The following CTNNBL1 variants were observed in gnomAD, a reference collection of about 807,000 sequenced individuals.
The protein encoded by CTNNBL1 is catenin beta like 1, also known as beta-catenin-like protein 1.
Under a neutral mutation model 72.7 loss-of-function variants are expected in CTNNBL1, and 31 were observed. That is an observed-to-expected ratio of 0.43 (90% CI 0.32 to 0.58). The LOEUF (loss-of-function observed/expected upper bound fraction) is 0.58. Among genes scored for constraint, CTNNBL1 ranks in the 20% least tolerant of loss-of-function variants. CTNNBL1 has a pLI of 0.08. For missense variants in CTNNBL1, 534 were observed against 725.1 expected, an observed-to-expected ratio of 0.74 and a Z score of 3.03; for synonymous variants, 240 against 267.3, an observed-to-expected ratio of 0.90 and a Z score of 1.00.
At chr20:37,758,948 G>A (rs190969822) in intron 5 of CTNNBL1, among the ~76,000 whole-genome samples, 13 of 151,968 alleles carry the variant, frequency 8.6e-5, no homozygotes, top group African/African-American at 3.1e-4. Flanking sequence ...TTCTCATAAT[G>A]TTCTCGACAC....
chr20:37,860,708 C>T (rs910090533), intron 15 of CTNNBL1, among the ~76,000 whole-genome samples: 1 of 152,200 alleles, frequency 6.6e-6, no homozygotes, highest in Non-Finnish European at 1.5e-5. Flanking sequence ...GAAATACAAA[C>T]GTCCTTTCTT....
chr20:37,859,483 C>T (rs1419627361), intron 13 of CTNNBL1, among the ~76,000 whole-genome samples: 3 of 151,974 alleles, frequency 2.0e-5, no homozygotes, highest in Non-Finnish European at 2.9e-5. Flanking sequence ...ATCATAAAGT[C>T]GATCCATGGT....
At chr20:37,863,147 G>A (rs147282105) in intron 15 of CTNNBL1, among the ~76,000 whole-genome samples, 133 of 152,266 alleles carry the variant, frequency 8.7e-4, no homozygotes, top group African/African-American at 2.9e-3. Flanking sequence ...GACTCTCCTC[G>A]GGACTAGCTG....
intron 1 of CTNNBL1, among the ~76,000 whole-genome samples, chr20:37,717,960 A>C (rs1354168011): frequency 6.6e-6 from 1 of 152,166 alleles, no homozygotes; most frequent in African/African-American, 2.4e-5. Context: ...AAGGCAGAAG[A>C]ATTTTTCTTA....
intron 3 of CTNNBL1, among the ~76,000 whole-genome samples, chr20:37,744,045 TA>T (rs1332854698): frequency 4.6e-5 from 7 of 152,186 alleles, no homozygotes; most frequent in South Asian, 2.1e-4. Flanking sequence ...TTTCTCTGAT[TA>T]TTTTTTTTGC....
intron 2 of CTNNBL1, among the ~76,000 whole-genome samples, chr20:37,735,690 T>C (rs1296083751): frequency 6.6e-6 from 1 of 152,138 alleles, no homozygotes; most frequent in East Asian, 1.9e-4. Flanking sequence ...ATCTAATAAA[T>C]GTGTCATGCT....
rs560549887 is a variant in CTNNBL1, at chr20:37,718,295, C to T, written c.31-14584C>T. Among the ~76,000 whole-genome samples, 9 of 130,482 alleles carry T rather than the reference C, an allele frequency of 6.9e-5. No individual in the cohort carries two copies. The East Asian group carries it at 2.1e-3, about 30-fold the overall frequency. The allele number at this position is 130,482 out of a possible 152,430, so 85.6% of individuals were successfully genotyped here. ...CTGGCCGGGCGGGGGGCTGACCCCC[C>T]CACCTCCCTCCCGGACGGGGCGGCT... On this transcript the variant is annotated intron_variant, in intron 1 of 15. Transcript: ENST00000361383.
At chr20:37,812,061 A>G (rs1461146039) in intron 11 of CTNNBL1, among the ~76,000 whole-genome samples, 1 of 152,222 alleles carries the variant, frequency 6.6e-6, no homozygotes, top group Non-Finnish European at 1.5e-5. Flanking sequence ...TTGCTTTTGT[A>G]GGCAGATAGG....
intron 10 of CTNNBL1, among the ~76,000 whole-genome samples, chr20:37,794,805 T>G (rs2073757497): frequency 6.6e-6 from 1 of 152,166 alleles, no homozygotes; most frequent in Admixed American, 6.5e-5. Context: ...CCTGACTGCC[T>G]TCATCTTTGA....
chr20:37,759,932 C>T (rs1399831745), intron 5 of CTNNBL1, among the ~76,000 whole-genome samples: 2 of 152,206 alleles, frequency 1.3e-5, no homozygotes, highest in Non-Finnish European at 2.9e-5. Context: ...CGAGCAGAGG[C>T]TAGAGGGCAT....
At chr20:37,775,847 T>C (rs1422526634) in intron 7 of CTNNBL1, among the ~76,000 whole-genome samples, 1 of 152,244 alleles carries the variant, frequency 6.6e-6, no homozygotes, top group African/African-American at 2.4e-5. Flanking sequence ...AGTGACCTAC[T>C]GTCTTTTGGC....
chr20:37,859,795 T>C, intron 13 of CTNNBL1, 104 bp from the exon 14 acceptor site: 1 of 1,119,846 alleles, frequency 8.9e-7, no homozygotes, highest in Non-Finnish European at 1.3e-6. Flanking sequence ...CTTTTGCTGT[T>C]GTTATAGTTG....
chr20:37,702,299 A>G (rs774634755), intron 1 of CTNNBL1, among the ~76,000 whole-genome samples: 6 of 152,194 alleles, frequency 3.9e-5, no homozygotes, highest in Non-Finnish European at 7.4e-5. Context: ...TTCTTGTGTG[A>G]GTTTATCATT....
At chr20:37,828,189 C>T (rs988074358) in intron 11 of CTNNBL1, among the ~76,000 whole-genome samples, 10 of 152,152 alleles carry the variant, frequency 6.6e-5, no homozygotes, top group South Asian at 2.1e-4. Context: ...ACGACTGAGA[C>T]GCGGGCCTGG....
At chr20:37,852,753 C>T (rs1028678852) in intron 13 of CTNNBL1, among the ~76,000 whole-genome samples, 1 of 152,138 alleles carries the variant, frequency 6.6e-6, no homozygotes, top group African/African-American at 2.4e-5. Flanking sequence ...GGCTTCACGA[C>T]GGTTTTTTGT....
chr20:37,756,545 AC>A (rs1473701104), intron 4 of CTNNBL1, among the ~76,000 whole-genome samples: 1 of 150,098 alleles, frequency 6.7e-6, no homozygotes, highest in Non-Finnish European at 1.5e-5. Context: ...TAGTTCTGCC[AC>A]CCAGTTTCCA....
At chr20:37,795,456 T>C (rs75642402) in intron 10 of CTNNBL1, among the ~76,000 whole-genome samples, 7,146 of 152,346 alleles carry the variant, frequency 0.047, 207 homozygotes, top group Middle Eastern at 0.061. Context: ...ATAAATTGTG[T>C]ATTATAAAAT....
chr20:37,747,355 A>G (rs2073275682), intron 4 of CTNNBL1, among the ~76,000 whole-genome samples: 1 of 148,174 alleles, frequency 6.7e-6, no homozygotes, highest in Admixed American at 6.7e-5. Flanking sequence ...ACTCTGGGCA[A>G]CAGAGTGAGT....
chr20:37,780,985 C>T (rs1465757074), intron 10 of CTNNBL1, among the ~76,000 whole-genome samples: 3 of 152,110 alleles, frequency 2.0e-5, no homozygotes, highest in Non-Finnish European at 4.4e-5. Flanking sequence ...CAGTAGACCT[C>T]TTCATTTGTC....
Sources: allele counts gnomAD v4.1 joint callset (sites outside exome capture counted in the v4.1 genomes callset), GRCh38; gene constraint gnomAD v4.1.1; transcripts MANE v1.5; gene names NCBI Gene and HGNC (gene_info 2026-07-23, HGNC 2026-07-21).